The following EPB41 variants were observed in gnomAD, a reference collection of about 807,000 sequenced individuals.
EPB41 encodes erythrocyte membrane protein band 4.1.
A neutral mutation model predicts 108.0 loss-of-function variants in EPB41; 65 were observed. That is an observed-to-expected ratio of 0.60 (90% CI 0.49 to 0.74). EPB41 has a LOEUF of 0.74. Among genes scored for constraint, EPB41 ranks in the 30% least tolerant of loss-of-function variants. EPB41 has a pLI of 0.00. For missense variants in EPB41, 875 were observed against 1,037.0 expected, an observed-to-expected ratio of 0.84 and a Z score of 2.15; for synonymous variants, 336 against 358.9, an observed-to-expected ratio of 0.94 and a Z score of 0.72.
chr1:28,887,477 G>C lies in EPB41; in HGVS notation c.-8+267G>C. The C allele has an allele frequency of 1.0e-6, 1 of 985,230 alleles. No homozygotes were observed. The highest frequency in any genetic ancestry group is 1.2e-6 in the Non-Finnish European group (1 of 829,838). 61.0% of individuals were successfully genotyped at this position (985,230 alleles called of 1,614,324 possible). A position where few individuals can be genotyped will look rare whatever the true frequency, so the allele number is the denominator to read the frequency against. On this transcript the variant is annotated intron_variant, in intron 1 of 16. Coordinates refer to the EPB41 transcript ENST00000347529. The surrounding 1 kb of genome is among the most constrained non-coding windows in gnomAD (Gnocchi z 4.9). ...GGAGCTCGGATCCGGAGCTAGACAC[G>C]TCCGGGTCCGGCCGGTCCTGGCTGT...
chr1:29,017,076 T>G (rs1203749651), intron 6 of EPB41, among the ~76,000 whole-genome samples: 1 of 152,240 alleles, frequency 6.6e-6, no homozygotes, highest in Non-Finnish European at 1.5e-5. Context: ...AAGATTCCTT[T>G]GGTTATTTCT....
chr1:29,017,838 A>ATG (rs991255088), intron 6 of EPB41, among the ~76,000 whole-genome samples: 4 of 151,872 alleles, frequency 2.6e-5, no homozygotes, highest in East Asian at 1.9e-4. Flanking sequence ...AGTTTTTTTT[A>ATG]TGTGTGTGTG....
chr1:28,996,532 G>A (rs978808757), intron 3 of EPB41, among the ~76,000 whole-genome samples: 11 of 152,066 alleles, frequency 7.2e-5, no homozygotes, highest in African/African-American at 2.7e-4. Context: ...AAGTAGTCAC[G>A]GTAACTGACA....
At chr1:29,075,710 A>G (rs770332995) in intron 16 of EPB41, among the ~76,000 whole-genome samples, 4 of 152,326 alleles carry the variant, frequency 2.6e-5, no homozygotes, top group African/African-American at 4.8e-5. Flanking sequence ...TCCTATCTCA[A>G]TAAAACACAT....
At chr1:29,056,250 A>AC (rs1645418611) in intron 12 of EPB41, among the ~76,000 whole-genome samples, 1 of 151,778 alleles carries the variant, frequency 6.6e-6, no homozygotes, top group Non-Finnish European at 1.5e-5. Flanking sequence ...AAAAAAAACA[A>AC]AAAACAACAA....
chr1:28,974,252 T>C (rs2095553108), intron 1 of EPB41, among the ~76,000 whole-genome samples: 1 of 152,228 alleles, frequency 6.6e-6, no homozygotes, highest in Admixed American at 6.5e-5. Context: ...GGTCAGAGAC[T>C]AAGTTTGTCT....
chr1:28,989,989 G>T (rs1024268675), intron 2 of EPB41, among the ~76,000 whole-genome samples: 3 of 152,058 alleles, frequency 2.0e-5, no homozygotes, highest in Non-Finnish European at 4.4e-5. Context: ...GGGCGCAGTG[G>T]CTCACACCTG....
chr1:28,902,425 GT>G, intron 1 of EPB41: 2 of 973,160 alleles, frequency 2.1e-6, no homozygotes, highest in Non-Finnish European at 2.4e-6. Context: ...TGAGCTTTTT[GT>G]TTTTCAGCAG....
At chr1:28,977,783 G>A (rs912164066) in intron 1 of EPB41, among the ~76,000 whole-genome samples, 1 of 151,992 alleles carries the variant, frequency 6.6e-6, no homozygotes, top group African/African-American at 2.4e-5. Flanking sequence ...CATGGCATTT[G>A]TCTGGAAGAA....
intron 15 of EPB41, among the ~76,000 whole-genome samples, chr1:29,062,309 AC>A (rs1558198304): frequency 6.6e-6 from 1 of 152,170 alleles, no homozygotes; most frequent in African/African-American, 2.4e-5. Context: ...CTTAACTGGA[AC>A]CTGCAGTACC....
intron 1 of EPB41, among the ~76,000 whole-genome samples, chr1:28,953,749 C>T (rs578066289): frequency 5.9e-5 from 9 of 152,198 alleles, no homozygotes; most frequent in Non-Finnish European, 1.0e-4. Context: ...AGTTAGATCT[C>T]ATTTTCATCT....
rs140706589 is a variant in EPB41 at position 28,986,657 on chromosome 1, C to T, written c.-7-774C>T. 3.8e-3 allele frequency among the ~76,000 whole-genome samples: 571 copies of T among 152,076 alleles called. 6 individuals carry two copies. The highest frequency in any genetic ancestry group is 0.013 in the African/African-American group (531 of 41,484). On this transcript the variant is annotated intron_variant, in intron 1 of 20. Transcript: ENST00000343067. ...AAAATGGGATACCTCTGGCCGGGTGCGGTAGTTCACGCCTGTAATCCCAGC... is the reference window on the plus strand; with the variant it reads ...AAAATGGGATACCTCTGGCCGGGTGTGGTAGTTCACGCCTGTAATCCCAGC...
intron 1 of EPB41, among the ~76,000 whole-genome samples, chr1:28,974,801 T>G (rs2095565381): frequency 9.0e-6 from 1 of 110,932 alleles, no homozygotes. Context: ...TTTGTTTTTG[T>G]TTTTTTTTTT....
chr1:28,887,207 C>G lies in EPB41; in HGVS notation c.-11C>G. On this transcript the variant is annotated 5_prime_UTR_variant, in exon 1 of 17. Transcript: ENST00000347529. The surrounding 1 kb of genome is among the most constrained non-coding windows in gnomAD (Gnocchi z 4.9). The stretch of plus-strand genomic sequence containing the variant: ...CGGCCCGGTCCCCGCCGCACCCAGC[C>G]CAGGTGAGCCTGGACCACCTGGGGG... 7.8e-7 allele frequency: 1 copy of G among 1,280,724 alleles called. No individual in the cohort carries two copies. Among genetic ancestry groups the G allele is most frequent in the Non-Finnish European group, 1.0e-6 (1 of 981,940 alleles). 79.3% of individuals were successfully genotyped at this position (1,280,724 alleles called of 1,614,324 possible). A position where few individuals can be genotyped will look rare whatever the true frequency, so the allele number is the denominator to read the frequency against.
At chr1:28,908,454 T>TA (rs1278266075) in intron 1 of EPB41, among the ~76,000 whole-genome samples, 1 of 149,976 alleles carries the variant, frequency 6.7e-6, no homozygotes, top group Non-Finnish European at 1.5e-5. Flanking sequence ...TTTTTTGAGA[T>TA]AGAGTCTTGC....
intron 4 of EPB41, among the ~76,000 whole-genome samples, chr1:29,007,331 T>A (rs540958586): frequency 1.1e-4 from 17 of 152,348 alleles, no homozygotes; most frequent in Admixed American, 3.3e-4. Flanking sequence ...CGAATGCTTC[T>A]GCTAGGAACA....
rs775554564 is a variant in EPB41, at chr1:28,975,940, C to CAAA, written c.-7-11472_-7-11470dup. On this transcript the variant is annotated intron_variant, in intron 1 of 20. Coordinates refer to ENST00000343067, the MANE Select transcript of EPB41 (RefSeq NM_001376013.1). Reference sequence around the variant, plus strand: ...TGGGTGACAGAGTGAGACTCCATCTCAAAAAAAAAAAAAAAAAAAAAGAAA... The same window carrying CAAA: ...TGGGTGACAGAGTGAGACTCCATCTCAAAAAAAAAAAAAAAAAAAAAAAAGAAA... Among the ~76,000 whole-genome samples the CAAA allele has an allele frequency of 1.6e-3, 108 of 67,482 alleles. 1 individual carries two copies. Among genetic ancestry groups the CAAA allele is most frequent in the East Asian group, 5.5e-3 (17 of 3,102 alleles). The allele number at this position is 67,482 out of a possible 152,430, so 44.3% of individuals were successfully genotyped here. A position where few individuals can be genotyped will look rare whatever the true frequency, so the allele number is the denominator to read the frequency against.
rs377642732 is a variant in EPB41, at chr1:29,053,124, G to A, written c.1657G>A (p.Asp553Asn). 5 of 1,613,970 alleles carry A rather than the reference G, an allele frequency of 3.1e-6. No individual in the cohort carries two copies. Among genetic ancestry groups the A allele is most frequent in the Admixed American group, 1.7e-5 (1 of 60,008 alleles). Reference protein sequence around the residue: ...LDGAAAVDSADRSPRPTSAPA... With the variant: ...LDGAAAVDSANRSPRPTSAPA... ...CATAGCAGCAGCTGTCGATTCGGCA[G>A]ACCGAAGTCCTCGGCCCACTTCTGC... is the stretch of plus-strand genomic sequence containing the variant. The change falls in exon 12 of 21, where the codon GAC (aspartate) becomes AAC (asparagine). Residue 553 changes from aspartate (D) to asparagine (N), a missense_variant. Physicochemically the swap from Asp to Asn is conservative, Grantham distance 23. Transcript: ENST00000343067.
chr1:28,977,966 T>TAATCAC (rs2095648489), intron 1 of EPB41, among the ~76,000 whole-genome samples: 1 of 151,412 alleles, frequency 6.6e-6, no homozygotes, highest in African/African-American at 2.5e-5. Context: ...CTTTTTTTTT[T>TAATCAC]TAAGAACATA....
Sources: allele counts gnomAD v4.1 joint callset (sites outside exome capture counted in the v4.1 genomes callset), GRCh38; gene constraint gnomAD v4.1.1; non-coding constraint Gnocchi (gnomAD v3.1); transcripts MANE v1.5; gene names NCBI Gene and HGNC (gene_info 2026-07-23, HGNC 2026-07-21).